The following ACIN1 variants were observed in gnomAD, a reference collection of about 807,000 sequenced individuals.
ACIN1 encodes apoptotic chromatin condensation inducer in the nucleus.
Under a neutral mutation model 146.6 loss-of-function variants are expected in ACIN1, and 16 were observed. The ratio of observed to expected loss-of-function variants is 0.11; its 90% CI spans 0.07 to 0.17. ACIN1 has a LOEUF of 0.17. Among genes scored for constraint, ACIN1 ranks in the 10% least tolerant of loss-of-function variants. The pLI is 1.00. For synonymous variants in ACIN1, 569 were observed against 582.7 expected (o/e 0.98, Z 0.34); for missense variants, 1,357 against 1,609.3 (o/e 0.84, Z 2.68).
rs2047510928 is a variant in ACIN1, at chr14:23,067,944, G to A, written c.2265+1532C>T. 1.0e-6 allele frequency: 1 copy of A among 985,840 alleles called. No individual in the cohort carries two copies. The highest frequency in any genetic ancestry group is 1.2e-6 in the Non-Finnish European group (1 of 829,940). 61.1% of individuals were successfully genotyped at this position (985,840 alleles called of 1,614,324 possible). On this transcript the variant is annotated intron_variant, in intron 9 of 18. Transcript: ENST00000605057. The surrounding 1 kb of genome is among the most constrained non-coding windows in gnomAD (Gnocchi z 4.6). ...TACTTCTCTTCGGAGAGTTGTGGCT[G>A]GCATCTCCTCAGGGACTCCAGCTGA...
intron 1 of ACIN1, chr14:23,094,712 A>C: frequency 1.6e-6 from 1 of 638,454 alleles, no homozygotes; most frequent in Non-Finnish European, 2.5e-6. Flanking sequence ...GGGGTGGGGG[A>C]AGGAGGAAGG....
At position 23,090,525 on chromosome 14, in the gene ACIN1, C is replaced by G. The variant is rs2140235742; in HGVS notation, c.313G>C (p.Glu105Gln). The G allele has an allele frequency of 1.2e-6, 2 of 1,613,802 alleles. No homozygotes were observed. The highest frequency in any genetic ancestry group is 2.2e-5 in the South Asian group (2 of 91,048). The change falls in exon 3 of 19, where the codon GAA (glutamate) becomes CAA (glutamine). Residue 105 changes from glutamate to glutamine, a missense_variant. Transcript: ENST00000605057. ...EREAREAAEL[E>Q]EASAESEDEM... ...AAAAGTGACAATCTGGGCTTACCTT[C>G]AAGTTCTGCAGCTTCTCGAGCTTCA...
chr14:23,071,611 AG>A (rs1028252760), intron 8 of ACIN1: 2 of 1,480,958 alleles, frequency 1.4e-6, no homozygotes, highest in Admixed American at 2.1e-5. Flanking sequence ...TTGCTGCAGC[AG>A]GGGAGGGGAA....
At chr14:23,073,293 T>C (rs554490057) in intron 8 of ACIN1, among the ~76,000 whole-genome samples, 1 of 152,338 alleles carries the variant, frequency 6.6e-6, no homozygotes, top group Admixed American at 6.5e-5. Context: ...CACAAAGTAA[T>C]GTTCCCTAAC....
intron 4 of ACIN1, among the ~76,000 whole-genome samples, chr14:23,087,810 T>G (rs1038326899): frequency 3.3e-5 from 5 of 152,200 alleles, no homozygotes; most frequent in Non-Finnish European, 7.3e-5. Flanking sequence ...GAATGTGAAA[T>G]ACTCTACTCT....
rs114880247 is a variant in ACIN1 at position 23,068,141 on chromosome 14, A to T, written c.2265+1335T>A. The T allele has an allele frequency of 1.0e-6, 1 of 985,798 alleles. No individual in the cohort carries two copies. Among genetic ancestry groups the T allele is most frequent in the African/African-American group, 1.7e-5 (1 of 57,214 alleles). The allele number at this position is 985,798 out of a possible 1,614,324, so 61.1% of individuals were successfully genotyped here. ...GGGCTGTCATCAGCATTAAATCCCC[A>T]GGGGCTCAGACCCTAGACTCCTCTG... On this transcript the variant is annotated intron_variant, in intron 9 of 18. Transcript: ENST00000605057. The surrounding 1 kb of genome is among the most constrained non-coding windows in gnomAD (Gnocchi z 4.3).
At chr14:23,088,218 C>T (rs999561250) in intron 4 of ACIN1, among the ~76,000 whole-genome samples, 3 of 152,088 alleles carry the variant, frequency 2.0e-5, no homozygotes, top group Non-Finnish European at 4.4e-5. Flanking sequence ...TCTTTCCTCT[C>T]GGCTTTAAAA....
chr14:23,061,099 T>C lies in ACIN1; in HGVS notation c.3510A>G (p.Pro1170=), dbSNP rs746698870. 6.2e-6 allele frequency: 10 copies of C among 1,613,822 alleles called. No individual in the cohort carries two copies. The African/African-American group carries it at 6.7e-5, about 11-fold the overall frequency. ...GAGCACTCACCTGGCTGTCAGTCAG[T>C]GGGAGCCAATAGATGCAGGGAGCTG... ...TKAAPCIYWL[P]LTDSQIVQKE... is the part of the protein sequence containing the mutation. Residue 1170 remains proline (P), a synonymous_variant, in exon 18 of 19, where the codon CCA becomes CCG. Coordinates refer to ENST00000605057, the MANE Select transcript of ACIN1 (RefSeq NM_001386863.1).
In ACIN1 at chr14:23,059,261, C is replaced by T; in HGVS notation, c.3739G>A (p.Asp1247Asn). The T allele has an allele frequency of 6.2e-7, 1 of 1,611,918 alleles. No individual in the cohort carries two copies. The highest frequency in any genetic ancestry group is 8.5e-7 in the Non-Finnish European group (1 of 1,178,032). The change falls in exon 19 of 19, where the codon GAT becomes AAT. Residue 1247 changes from aspartate to asparagine, a missense_variant. Around this residue, in one of 4 missense-constraint regions of ACIN1, gnomAD observed 509 missense variants for 719.6 expected, o/e 0.71. Transcript: ENST00000605057. ...RERDRGDRDR[D>N]RERDRERGRE... is the part of the protein sequence containing the mutation. ...CCTCGTTCTCGGTCCCTTTCCCTAT[C>T]CCGATCTCGGTCCCCCCTGTCCCGC...
chr14:23,062,060 A>G, intron 16 of ACIN1, 108 bp downstream of exon 16: 1 of 910,184 alleles, frequency 1.1e-6, no homozygotes. Flanking sequence ...GAAGAAGAGA[A>G]AAGAACAGAA....
chr14:23,078,792 T>C, intron 7 of ACIN1, 28 bp downstream of exon 7: 1 of 1,598,880 alleles, frequency 6.3e-7, no homozygotes, highest in Non-Finnish European at 8.5e-7. Context: ...CCTCCATCTC[T>C]GTGTAGGGAG....
Position 23,080,417 on chromosome 14 carries a change from T to A in ACIN1, c.918A>T (p.Thr306=). The part of the protein sequence containing the change: ...RQQQEKEMKT[T]SPLEEEEREI... ...CTCTTTCTTCCTCCTCAAGGGGAGA[T>A]GTTGTTTTCATTTCCTTCTCCTGCT... is the stretch of plus-strand genomic sequence containing the variant. The change falls in exon 6 of 19, where the codon ACA becomes ACT. Residue 306 remains threonine, a synonymous_variant. Transcript: ENST00000605057. 1 of 1,614,124 alleles carries A rather than the reference T, an allele frequency of 6.2e-7. No individual in the cohort carries two copies. The highest frequency in any genetic ancestry group is 8.5e-7 in the Non-Finnish European group (1 of 1,180,012).
At chr14:23,069,145 C>T in intron 9 of ACIN1, 1 of 1,033,376 alleles carries the variant, frequency 9.7e-7, no homozygotes, top group Non-Finnish European at 1.2e-6. Context: ...AAGGAGTTAC[C>T]ACCAGGAGAA....
rs539446403 is a variant in ACIN1 at position 23,073,230 on chromosome 14, A to G, written c.2124-3613T>C. On this transcript the variant is annotated intron_variant, in intron 8 of 18. Coordinates refer to ENST00000605057, the MANE Select transcript of ACIN1 (RefSeq NM_001386863.1). ...TATCTGCCCCCCATCTCTACCCTGC[A>G]TAATTCCTCAAGGGTAGGGATTGCA... 5.9e-5 allele frequency among the ~76,000 whole-genome samples: 9 copies of G among 152,360 alleles called. No homozygotes were observed. In the South Asian group the frequency reaches 1.9e-3, roughly 32 times the overall value.
At chr14:23,083,013 A>C (rs1160507792) in intron 4 of ACIN1, among the ~76,000 whole-genome samples, 1 of 151,588 alleles carries the variant, frequency 6.6e-6, no homozygotes, top group East Asian at 1.9e-4. Flanking sequence ...TGCTGGAATT[A>C]CAGGCGTGAG....
intron 8 of ACIN1, among the ~76,000 whole-genome samples, chr14:23,075,706 T>G (rs886424963): frequency 6.7e-6 from 1 of 148,596 alleles, no homozygotes. Context: ...AATGGTCTTT[T>G]CCATTTTTTT....
At chr14:23,092,466 G>T (rs1040003508) in intron 2 of ACIN1, among the ~76,000 whole-genome samples, 1 of 152,160 alleles carries the variant, frequency 6.6e-6, no homozygotes, top group Admixed American at 6.5e-5. Flanking sequence ...AGTTTCTTAT[G>T]CTTGTTAAAG....
intron 1 of ACIN1, among the ~76,000 whole-genome samples, chr14:23,093,801 A>T (rs921843239): frequency 6.6e-6 from 1 of 152,234 alleles, no homozygotes; most frequent in Non-Finnish European, 1.5e-5. Context: ...TGACCTGGCT[A>T]TGTCATAATA....
At position 23,087,063 on chromosome 14, in the gene ACIN1, T is replaced by C. The variant is rs149542491; in HGVS notation, c.436+2919A>G. Among the ~76,000 whole-genome samples the C allele has an allele frequency of 1.5e-3, 223 of 152,302 alleles. 1 individual carries two copies. The highest frequency in any genetic ancestry group is 5.1e-3 in the African/African-American group (212 of 41,552). ...ATCTCCCTCAGGTGCCAGTAGCGTT[T>C]AGAAAAATGTTAGTAGGAAACTTAA... On this transcript the variant is annotated intron_variant, in intron 4 of 18. Transcript: ENST00000605057.
Sources: allele counts gnomAD v4.1 joint callset (sites outside exome capture counted in the v4.1 genomes callset), GRCh38; gene constraint gnomAD v4.1.1; regional missense constraint gnomAD v4.1.1; non-coding constraint Gnocchi (gnomAD v3.1); transcripts MANE v1.5; gene names NCBI Gene and HGNC (gene_info 2026-07-23, HGNC 2026-07-21).